Variants in TRPM1 observed in about 807,000 individuals in gnomAD.
The protein encoded by TRPM1 is TRPM1-203 APA Isoform, Intron 10.
A neutral mutation model predicts 149.4 loss-of-function variants in TRPM1; 113 were observed. The observed-to-expected ratio is 0.76, with a 90% CI of 0.65 to 0.88. The LOEUF (loss-of-function observed/expected upper bound fraction) is 0.88, where lower values mean the gene tolerates loss of function less well. Among genes scored for constraint, TRPM1 ranks in the 40% least tolerant of loss-of-function variants. The probability of loss-of-function intolerance (pLI) is 0.00; values close to 1 mark genes in which losing one functional copy is unlikely to be tolerated. For missense variants in TRPM1, 1,976 were observed against 2,038.7 expected (o/e 0.97, Z 0.59); for synonymous variants, 741 against 759.5 (o/e 0.98, Z 0.40).
intron 1 of TRPM1, among the ~76,000 whole-genome samples, chr15:31,110,806 G>C (rs2035673805): frequency 6.6e-6 from 1 of 152,110 alleles, no homozygotes; most frequent in East Asian, 1.9e-4. Context: ...CTGATTCTAA[G>C]AACCTTCTTT....
chr15:31,122,894 A>G (rs2035899226), intron 1 of TRPM1, among the ~76,000 whole-genome samples: 1 of 152,210 alleles, frequency 6.6e-6, no homozygotes, highest in Non-Finnish European at 1.5e-5. Context: ...AATACTGAAG[A>G]AGAACAAACT....
At chr15:31,144,749 CT>C (rs1235205699) in intron 1 of TRPM1, among the ~76,000 whole-genome samples, 6 of 130,030 alleles carry the variant, frequency 4.6e-5, no homozygotes, top group Non-Finnish European at 9.5e-5. Flanking sequence ...TAGTTTCGCT[CT>C]TGTTGCCCAG....
At position 31,049,459 on chromosome 15, in the gene TRPM1, G is replaced by T. The variant is rs373134893; in HGVS notation, c.1488C>A (p.Val496=). 1 of 1,614,004 alleles carries T rather than the reference G, an allele frequency of 6.2e-7. No individual in the cohort carries two copies. The highest frequency in any genetic ancestry group is 8.5e-7 in the Non-Finnish European group (1 of 1,180,026). ...AMLDALVLDR[V]DFVKLLIENG... is the part of the protein sequence containing the mutation. ...TTTCAATCAGGAGCTTCACAAAGTC[G>T]ACACGATCTAAGACTAAAGCATCTA... The change falls in exon 13 of 28, where the codon GTC becomes GTA. Residue 496 remains valine (V), a synonymous_variant. Coordinates refer to ENST00000256552, the MANE Select transcript of TRPM1 (RefSeq NM_001252024.2).
intron 1 of TRPM1, among the ~76,000 whole-genome samples, chr15:31,113,773 C>T (rs959483026): frequency 6.6e-6 from 1 of 152,218 alleles, no homozygotes; most frequent in Non-Finnish European, 1.5e-5. Context: ...GTGAGTGTTA[C>T]AGCTCTTAAA....
At chr15:31,073,111 A>G (rs2140972207) in intron 3 of TRPM1, among the ~76,000 whole-genome samples, 1 of 151,996 alleles carries the variant, frequency 6.6e-6, no homozygotes, top group African/African-American at 2.4e-5. Context: ...TTACCCTTAC[A>G]TTTTCTTCTA....
In TRPM1 at chr15:31,050,452, A is replaced by G. The variant is rs771408602; in HGVS notation, c.1394T>C (p.Val465Ala). ...CTTCCGGGGGTCAGTTTCTTCCTCC[A>G]CTTCCTCTTTCACTTTCCCTTTCTT... is the stretch of plus-strand genomic sequence containing the variant. ...GKKKGKVKEEVEEETDPRKIE... is the reference protein window; with the variant it reads ...GKKKGKVKEEAEEETDPRKIE... The change falls in exon 12 of 28, where the codon GTG (valine) becomes GCG (alanine). Residue 465 changes from valine to alanine, a missense_variant. By Grantham distance (64) the Val-to-Ala change is moderately conservative. This residue lies in a region of TRPM1 where 1,332 missense variants were observed against 1,347.1 expected (regional missense o/e 0.99). Coordinates refer to ENST00000256552, the MANE Select transcript of TRPM1 (RefSeq NM_001252024.2). The G allele has an allele frequency of 6.2e-7, 1 of 1,613,206 alleles. No homozygotes were observed. The highest frequency in any genetic ancestry group is 8.5e-7 in the Non-Finnish European group (1 of 1,179,854).
At chr15:31,141,740 TAGA>T (rs2141052815) in intron 1 of TRPM1, among the ~76,000 whole-genome samples, 1 of 152,360 alleles carries the variant, frequency 6.6e-6, no homozygotes, top group South Asian at 2.1e-4. Flanking sequence ...AAGCAAGTTG[TAGA>T]AGATTTGTGG....
At chr15:31,141,276 A>C (rs1390479996) in intron 1 of TRPM1, among the ~76,000 whole-genome samples, 1 of 152,166 alleles carries the variant, frequency 6.6e-6, no homozygotes, top group Non-Finnish European at 1.5e-5. Context: ...ACAGTTCAAA[A>C]TTTATTTCCT....
intron 1 of TRPM1, among the ~76,000 whole-genome samples, chr15:31,130,728 AGTGTG>A (rs2036005954): frequency 6.6e-6 from 1 of 152,116 alleles, no homozygotes. Context: ...CAGGAACTGC[AGTGTG>A]GGAGGACAGC....
chr15:31,044,246 G>A (rs1358066746), intron 16 of TRPM1, among the ~76,000 whole-genome samples: 1 of 152,180 alleles, frequency 6.6e-6, no homozygotes, highest in African/African-American at 2.4e-5. Flanking sequence ...TACCTTTAAT[G>A]CATTTATAGG....
chr15:31,058,940 G>T (rs2034155372), intron 11 of TRPM1, among the ~76,000 whole-genome samples: 1 of 151,990 alleles, frequency 6.6e-6, no homozygotes, highest in South Asian at 2.1e-4. Context: ...AAAAAATTTA[G>T]CTGGGTGTGG....
At chr15:31,123,273 T>C (rs8038801) in intron 1 of TRPM1, among the ~76,000 whole-genome samples, 86,390 of 152,096 alleles carry the variant, frequency 0.57, 25,662 homozygotes, top group African/African-American at 0.7. Flanking sequence ...ACCTAGAGTT[T>C]GGCGATGACT....
intron 8 of TRPM1, 162 bp downstream of exon 8, chr15:31,062,956 G>C: frequency 6.6e-6 from 7 of 1,065,644 alleles, no homozygotes; most frequent in Non-Finnish European, 9.8e-6. Flanking sequence ...GCCTCTGATG[G>C]TTCCCCTGGA....
intron 1 of TRPM1, among the ~76,000 whole-genome samples, chr15:31,095,592 G>A (rs540216810): frequency 9.2e-5 from 14 of 152,042 alleles, no homozygotes; most frequent in Non-Finnish European, 1.9e-4. Context: ...GGCTGAGGCA[G>A]GAGAATAGCT....
intron 1 of TRPM1, among the ~76,000 whole-genome samples, chr15:31,113,053 A>G (rs1402072321): frequency 1.3e-5 from 2 of 152,232 alleles, no homozygotes. Flanking sequence ...AGTCCCATTC[A>G]GAAGGCTGGA....
At chr15:31,133,339 A>T (rs560917724) in intron 1 of TRPM1, among the ~76,000 whole-genome samples, 1 of 151,754 alleles carries the variant, frequency 6.6e-6, no homozygotes, top group Non-Finnish European at 1.5e-5. Flanking sequence ...AGGCTGAGGT[A>T]GGTGGATCAC....
chr15:31,128,139 G>A (rs1483004984), intron 1 of TRPM1, among the ~76,000 whole-genome samples: 1 of 152,156 alleles, frequency 6.6e-6, no homozygotes, highest in African/African-American at 2.4e-5. Context: ...CACAGGGTAA[G>A]GGCTCCCCTA....
At chr15:31,131,694 GA>G (rs1455840055) in intron 1 of TRPM1, among the ~76,000 whole-genome samples, 11 of 152,162 alleles carry the variant, frequency 7.2e-5, no homozygotes, top group Non-Finnish European at 1.3e-4. Flanking sequence ...GGAGGGGTCA[GA>G]GAGGGGTCCG....
chr15:31,063,382 A>T, intron 7 of TRPM1, 90 bp from the exon 8 acceptor site: 1 of 1,521,542 alleles, frequency 6.6e-7, no homozygotes, highest in South Asian at 1.1e-5. Context: ...GAAGAGTAAA[A>T]ACATTACGAC....
Sources: allele counts gnomAD v4.1 joint callset (sites outside exome capture counted in the v4.1 genomes callset), GRCh38; gene constraint gnomAD v4.1.1; regional missense constraint gnomAD v4.1.1; transcripts MANE v1.5; gene names NCBI Gene and HGNC (gene_info 2026-07-23, HGNC 2026-07-21).